SCAI: variants seen among roughly 807,000 people sequenced by gnomAD.
The protein encoded by SCAI is protein SCAI.
SCAI carries 24 observed loss-of-function variants against 92.2 expected under a neutral mutation model. The observed-to-expected ratio is 0.26, with a 90% confidence interval of 0.19 to 0.37. SCAI has a LOEUF of 0.37. SCAI is among the 10% of genes least tolerant of loss of function. SCAI has a pLI of 1.00. For missense variants in SCAI, 450 were observed against 736.2 expected (o/e 0.61, Z 4.50); for synonymous variants, 261 against 258.6 (o/e 1.01, Z -0.09).
At chr9:125,050,721 C>T (rs1833544172) in intron 3 of SCAI, among the ~76,000 whole-genome samples, 1 of 152,014 alleles carries the variant, frequency 6.6e-6, no homozygotes, top group African/African-American at 2.4e-5. Context: ...TAAAGGCACA[C>T]ACCACCACAC....
chr9:124,964,166 G>C (rs1407444224), intron 17 of SCAI, among the ~76,000 whole-genome samples: 2 of 152,096 alleles, frequency 1.3e-5, no homozygotes, highest in African/African-American at 2.4e-5. Context: ...AAACCCTTCT[G>C]CTGGGTTGTC....
intron 2 of SCAI, among the ~76,000 whole-genome samples, chr9:125,087,827 T>C (rs780528369): frequency 3.9e-5 from 6 of 152,216 alleles, no homozygotes; most frequent in Non-Finnish European, 8.8e-5. Flanking sequence ...ATGTTTTAAA[T>C]ACGCATACTG....
At chr9:124,988,712 G>A (rs990753132) in intron 14 of SCAI, among the ~76,000 whole-genome samples, 9 of 151,890 alleles carry the variant, frequency 5.9e-5, no homozygotes, top group Non-Finnish European at 1.2e-4. Context: ...GTGCAATAAC[G>A]AAAAAAGTTC....
chr9:125,024,638 G>T (rs1832933940), intron 6 of SCAI, among the ~76,000 whole-genome samples: 1 of 152,040 alleles, frequency 6.6e-6, no homozygotes, highest in Admixed American at 6.6e-5. Flanking sequence ...AACCTGCTAG[G>T]CTCCCTACTT....
At chr9:124,990,604 C>T (rs1832099317) in intron 14 of SCAI, among the ~76,000 whole-genome samples, 1 of 151,878 alleles carries the variant, frequency 6.6e-6, no homozygotes, top group Non-Finnish European at 1.5e-5. Flanking sequence ...ATAAATTTCT[C>T]TTTCATAGTG....
chr9:125,001,139 T>C lies in SCAI; in HGVS notation c.1144+826A>G, dbSNP rs543488574. On this transcript the variant is annotated intron_variant, in intron 12 of 17. Transcript: ENST00000336505. Reference sequence around the variant, plus strand: ...TAATGTTGTATTATATTTCACTTCTTAAAAAAATCACTGCAATGAAAAGGC... The same window carrying C: ...TAATGTTGTATTATATTTCACTTCTCAAAAAAATCACTGCAATGAAAAGGC... 1.7e-4 allele frequency among the ~76,000 whole-genome samples: 26 copies of C among 152,304 alleles called. 1 individual carries two copies. The South Asian group carries it at 5.4e-3, about 32-fold the overall frequency.
At chr9:125,074,609 A>C (rs942561428) in intron 2 of SCAI, among the ~76,000 whole-genome samples, 2 of 151,992 alleles carry the variant, frequency 1.3e-5, no homozygotes, top group Middle Eastern at 3.4e-3. Flanking sequence ...AACAGATAGA[A>C]TCTCCTAAGG....
intron 17 of SCAI, among the ~76,000 whole-genome samples, chr9:124,960,322 G>A (rs1363053193): frequency 6.6e-6 from 1 of 152,118 alleles, no homozygotes; most frequent in East Asian, 1.9e-4. Flanking sequence ...TGGAACTGCT[G>A]GGGCTCAAGC....
At chr9:125,019,307 T>C in intron 7 of SCAI, 102 bp from the exon 8 acceptor site, 1 of 661,594 alleles carries the variant, frequency 1.5e-6, no homozygotes, top group Non-Finnish European at 2.6e-6. Flanking sequence ...CTTACAAAAT[T>C]TGATTATTAG....
chr9:125,049,870 C>T (rs1357875821), intron 3 of SCAI, among the ~76,000 whole-genome samples: 3 of 152,132 alleles, frequency 2.0e-5, no homozygotes, highest in Non-Finnish European at 2.9e-5. Flanking sequence ...TAACAGGGAA[C>T]ACAACAGGGG....
Position 125,056,011 on chromosome 9 carries a change from T to C in SCAI, c.99-4A>G, listed in dbSNP as rs745542701. 1 of 1,595,500 alleles carries C rather than the reference T, an allele frequency of 6.3e-7. No individual in the cohort carries two copies. The highest frequency in any genetic ancestry group is 1.1e-5 in the South Asian group (1 of 87,700). On this transcript the variant is annotated splice_polypyrimidine_tract_variant and splice_region_variant and intron_variant, in intron 2 of 17. Coordinates refer to ENST00000336505, the MANE Select transcript of SCAI (RefSeq NM_001144877.3). The stretch of plus-strand genomic sequence containing the variant: ...TTCTTTAAGAGCAAATTCAGTCCTG[T>C]AAGAAAACATATGTTCATTCATGCA...
At chr9:125,004,903 C>A (rs2131044253) in intron 9 of SCAI, among the ~76,000 whole-genome samples, 1 of 147,960 alleles carries the variant, frequency 6.8e-6, no homozygotes, top group African/African-American at 2.5e-5. Context: ...ATTCTCCTGC[C>A]TCAGCCTCCA....
intron 8 of SCAI, 62 bp from the exon 9 acceptor site, chr9:125,019,013 T>C (rs1464615541): frequency 6.4e-7 from 1 of 1,562,850 alleles, no homozygotes; most frequent in African/African-American, 1.4e-5. Context: ...TAGAGTAAGC[T>C]ATTCCTTCTT....
chr9:125,117,665 CAAAAAAAAAAAA>C (rs372964615), intron 2 of SCAI, among the ~76,000 whole-genome samples: 4 of 45,252 alleles, frequency 8.8e-5, no homozygotes, highest in African/African-American at 3.0e-4. Flanking sequence ...GACTCCATCT[CAAAAAAAAAAAA>C]AAAAAAAAAA....
At position 125,002,010 on chromosome 9, in the gene SCAI, G is replaced by A. The variant is rs748281623; in HGVS notation, c.1099C>T (p.Leu367=). The part of the protein sequence containing the change: ...LPANSVLLIY[L]SATGVFPTGR... ...GTGGGGAAAACGCCAGTGGCCGACA[G>A]GTAAATCAGAAGCACGCTATTGGCA... Residue 367 remains leucine (L), a synonymous_variant, in exon 12 of 18, where the codon CTG becomes TTG. Transcript: ENST00000336505. The A allele has an allele frequency of 1.2e-5, 20 of 1,613,814 alleles. No homozygotes were observed. The South Asian group carries it at 1.9e-4, about 15-fold the overall frequency.
intron 17 of SCAI, among the ~76,000 whole-genome samples, chr9:124,961,707 A>G (rs1169652074): frequency 6.6e-6 from 1 of 151,952 alleles, no homozygotes; most frequent in East Asian, 1.9e-4. Flanking sequence ...AAATGGACAA[A>G]TATGTCAGAA....
intron 17 of SCAI, among the ~76,000 whole-genome samples, chr9:124,962,169 T>TGGG (rs1564358532): frequency 8.7e-6 from 1 of 115,246 alleles, no homozygotes; most frequent in African/African-American, 3.3e-5. Context: ...TTTTTTTTTT[T>TGGG]TGCGGGGGGG....
chr9:125,096,100 C>T (rs922793975), intron 2 of SCAI, among the ~76,000 whole-genome samples: 74 of 152,158 alleles, frequency 4.9e-4, no homozygotes, highest in African/African-American at 1.7e-3. Flanking sequence ...GTCTGTTTTT[C>T]ACACTGTTGA....
intron 9 of SCAI, among the ~76,000 whole-genome samples, chr9:125,007,750 C>T (rs541750925): frequency 1.3e-5 from 2 of 152,122 alleles, no homozygotes; most frequent in East Asian, 1.9e-4. Context: ...CTTGACTTCC[C>T]GGGCTCAAGT....
Sources: gnomAD v4.1 joint callset for allele counts (sites outside exome capture counted in the v4.1 genomes callset) on GRCh38, gnomAD v4.1.1 for gene constraint, MANE v1.5 for transcripts, NCBI Gene and HGNC (gene_info 2026-07-23, HGNC 2026-07-21) for gene names.